LYN: variants seen among roughly 807,000 people sequenced by gnomAD.
LYN encodes the protein LYN proto-oncogene, Src family tyrosine kinase.
LYN carries 12 observed loss-of-function variants against 65.0 expected under a neutral mutation model. The ratio of observed to expected loss-of-function variants is 0.18; its 90% CI spans 0.12 to 0.30. The LOEUF (loss-of-function observed/expected upper bound fraction) is 0.30, where lower values mean the gene tolerates loss of function less well. LYN is among the 10% of genes least tolerant of loss of function. LYN has a pLI of 1.00. For missense variants in LYN, 380 were observed against 623.2 expected, an observed-to-expected ratio of 0.61 and a Z score of 4.16; for synonymous variants, 222 against 221.2, an observed-to-expected ratio of 1.00 and a Z score of -0.03.
At chr8:55,897,870 G>T (rs967242109) in intron 1 of LYN, among the ~76,000 whole-genome samples, 3 of 152,018 alleles carry the variant, frequency 2.0e-5, no homozygotes, top group Non-Finnish European at 1.5e-5. Context: ...TCGAGATCGC[G>T]CCACTGTACT....
At chr8:55,954,937 G>A (rs895485715) in intron 8 of LYN, among the ~76,000 whole-genome samples, 1 of 152,194 alleles carries the variant, frequency 6.6e-6, no homozygotes, top group Admixed American at 6.5e-5. Context: ...AAATGCTAAA[G>A]CATAACATTC....
intron 1 of LYN, among the ~76,000 whole-genome samples, chr8:55,892,143 C>G (rs1804977894): frequency 1.3e-5 from 2 of 152,348 alleles, no homozygotes; most frequent in African/African-American, 4.8e-5. Flanking sequence ...GCATTAAGGC[C>G]AGGGCGCAGT....
At chr8:56,009,496 C>T (rs1808757651) in intron 12 of LYN, among the ~76,000 whole-genome samples, 1 of 152,156 alleles carries the variant, frequency 6.6e-6, no homozygotes, top group African/African-American at 2.4e-5. Flanking sequence ...GGTCAAGGTG[C>T]TAGCCAGGTT....
chr8:56,008,563 C>T (rs1195092661), intron 12 of LYN, among the ~76,000 whole-genome samples: 1 of 152,198 alleles, frequency 6.6e-6, no homozygotes, highest in East Asian at 1.9e-4. Flanking sequence ...GGATTAATCT[C>T]CTTTATCATG....
chr8:55,999,835 G>A (rs1030439921), intron 12 of LYN, among the ~76,000 whole-genome samples: 2 of 151,998 alleles, frequency 1.3e-5, no homozygotes, highest in African/African-American at 4.8e-5. Context: ...GCCAGGCATG[G>A]TGACGCATGC....
At chr8:55,880,160 G>A in intron 1 of LYN, 57 bp downstream of exon 1, 1 of 181,528 alleles carries the variant, frequency 5.5e-6, no homozygotes, top group Non-Finnish European at 1.2e-5. Context: ...GTGGGTGCAG[G>A]GGCCGCGGCT....
chr8:55,995,913 AT>A (rs1226727779), intron 10 of LYN, among the ~76,000 whole-genome samples: 1 of 152,102 alleles, frequency 6.6e-6, no homozygotes, highest in African/African-American at 2.4e-5. Context: ...TTTACTTGAG[AT>A]TTTTGTGACC....
intron 1 of LYN, among the ~76,000 whole-genome samples, chr8:55,883,923 T>TA (rs758064550): frequency 6.6e-6 from 1 of 152,208 alleles, no homozygotes; most frequent in Admixed American, 6.5e-5. Context: ...TCCTGATACT[T>TA]AAATTGTGAA....
At chr8:55,924,322 G>C (rs550145489) in intron 1 of LYN, among the ~76,000 whole-genome samples, 2 of 151,382 alleles carry the variant, frequency 1.3e-5, no homozygotes, top group Non-Finnish European at 2.9e-5. Context: ...TATACCATCT[G>C]TTTTCCTTCT....
intron 12 of LYN, among the ~76,000 whole-genome samples, chr8:56,005,633 C>G (rs544170984): frequency 6.6e-6 from 1 of 152,292 alleles, no homozygotes; most frequent in East Asian, 1.9e-4. Context: ...TTAGCATCAT[C>G]AGAGATGGAG....
In LYN at chr8:55,911,082, C is replaced by CAT. The variant is rs1278671702; in HGVS notation, c.-5-30757_-5-30756dup. On this transcript the variant is annotated intron_variant, in intron 1 of 12. Transcript: ENST00000519728. ...CGGCTAATTTATATATATATACATA[C>CAT]ATATATATATATATATACATACACG... 4.9e-4 allele frequency among the ~76,000 whole-genome samples: 14 copies of CAT among 28,696 alleles called. 2 individuals carry two copies. The highest frequency in any genetic ancestry group is 2.7e-3 in the South Asian group (2 of 738). 18.8% of individuals were successfully genotyped at this position (28,696 alleles called of 152,430 possible).
intron 10 of LYN, among the ~76,000 whole-genome samples, chr8:55,983,450 C>T (rs1807985217): frequency 6.6e-6 from 1 of 152,226 alleles, no homozygotes; most frequent in Admixed American, 6.5e-5. Flanking sequence ...ACATCCCTCT[C>T]CAGCTACCTC....
chr8:55,962,303 G>A (rs1380421149), intron 8 of LYN, among the ~76,000 whole-genome samples: 1 of 152,056 alleles, frequency 6.6e-6, no homozygotes, highest in Non-Finnish European at 1.5e-5. Context: ...ATGCTTTTGG[G>A]TGTGGCTATT....
chr8:55,985,981 A>C lies in LYN; in HGVS notation c.1051-12365A>C, dbSNP rs550698610. ...CAGGAGTTCGAGACCCGCCTGGGCA[A>C]TATAGTGAGACCTCATCTCTACAAA... is the stretch of plus-strand genomic sequence containing the variant. On this transcript the variant is annotated intron_variant, in intron 10 of 12. Transcript: ENST00000519728. Among the ~76,000 whole-genome samples, 6 of 152,252 alleles carry C rather than the reference A, an allele frequency of 3.9e-5. No homozygotes were observed. In the South Asian group the frequency reaches 1.2e-3, roughly 32 times the overall value.
chr8:55,987,065 C>CT (rs1038912007), intron 10 of LYN, among the ~76,000 whole-genome samples: 6 of 152,042 alleles, frequency 3.9e-5, no homozygotes, highest in South Asian at 2.1e-4. Context: ...CTTTTTGCCT[C>CT]TTTTTTTTCC....
intron 10 of LYN, among the ~76,000 whole-genome samples, chr8:55,976,672 C>T (rs1470346612): frequency 6.6e-6 from 1 of 152,006 alleles, no homozygotes; most frequent in East Asian, 1.9e-4. Context: ...GAGGATGGAG[C>T]GTAGTAGGGT....
At chr8:55,926,480 C>A (rs560686910) in intron 1 of LYN, among the ~76,000 whole-genome samples, 1 of 152,058 alleles carries the variant, frequency 6.6e-6, no homozygotes, top group African/African-American at 2.4e-5. Flanking sequence ...TGGCTATGGG[C>A]GTATTAGGAG....
At chr8:55,887,498 A>G (rs1804829623) in intron 1 of LYN, among the ~76,000 whole-genome samples, 1 of 150,656 alleles carries the variant, frequency 6.6e-6, no homozygotes, top group African/African-American at 2.4e-5. Flanking sequence ...CCATATATAC[A>G]TAAATATATA....
At chr8:55,942,030 A>G in intron 2 of LYN, 39 bp downstream of exon 2, 5 of 1,608,268 alleles carry the variant, frequency 3.1e-6, no homozygotes, top group Non-Finnish European at 4.2e-6. Context: ...CCACAGCAAG[A>G]TCAAAGCATG....
Sources: gnomAD v4.1 joint callset for allele counts (sites outside exome capture counted in the v4.1 genomes callset) on GRCh38, gnomAD v4.1.1 for gene constraint, MANE v1.5 for transcripts, NCBI Gene and HGNC (gene_info 2026-07-23, HGNC 2026-07-21) for gene names.